The following PATL2 variants were observed in gnomAD, a reference collection of about 807,000 sequenced individuals.
The protein encoded by PATL2 is PAT1 homolog 2, also known as protein PAT1 homolog 2.
A neutral mutation model predicts 77.0 loss-of-function variants in PATL2; 73 were observed. The observed-to-expected ratio is 0.95, with a 90% CI of 0.78 to 1.15. The LOEUF (loss-of-function observed/expected upper bound fraction) is 1.15, where lower values mean the gene tolerates loss of function less well. Ranked by LOEUF, PATL2 falls within the 50% of genes most tolerant of loss-of-function variation. The pLI, the probability that PATL2 is intolerant of heterozygous loss-of-function variation, is 0.00. For synonymous variants in PATL2, 265 were observed against 257.1 expected (o/e 1.03, Z -0.29); for missense variants, 618 against 655.4 (o/e 0.94, Z 0.62).
At chr15:44,691,596 T>C (rs1276010564) in intron 3 of PATL2, among the ~76,000 whole-genome samples, 1 of 151,068 alleles carries the variant, frequency 6.6e-6, no homozygotes, top group African/African-American at 2.4e-5. Context: ...AGGTGGAGGT[T>C]GCAGTGAGTT....
At position 44,674,196 on chromosome 15, in the gene PATL2, G is replaced by C. The variant is rs1053967175; in HGVS notation, c.257C>G (p.Pro86Arg). The change falls in exon 6 of 18, where the codon CCT becomes CGT. Residue 86 changes from proline (P) to arginine (R), a missense_variant. By Grantham distance (103) the Pro-to-Arg change is moderately radical. Transcript: ENST00000682850. ...ALLSSPGVKA[P>R]GMLGMSLASL... is the part of the protein sequence containing the mutation. ...GGCAAGTGACATTCCCAGCATACCA[G>C]GGGCCTTGACTCCAGGGGAGCTAAG... The C allele has an allele frequency of 1.9e-6, 3 of 1,550,162 alleles. No homozygotes were observed. The African/African-American group carries it at 4.1e-5, about 21-fold the overall frequency.
chr15:44,676,725 A>G (rs1218752049), intron 3 of PATL2, 160 bp from the exon 4 acceptor site: 1 of 1,217,702 alleles, frequency 8.2e-7, no homozygotes, highest in African/African-American at 1.5e-5. Flanking sequence ...ATAAACACCC[A>G]CCCTCCCAGC....
intron 3 of PATL2, among the ~76,000 whole-genome samples, chr15:44,686,360 T>G (rs190659675): frequency 6.6e-6 from 1 of 152,172 alleles, no homozygotes; most frequent in African/African-American, 2.4e-5. Context: ...TTGAAACCAA[T>G]GAGAACAAAG....
intron 6 of PATL2, among the ~76,000 whole-genome samples, chr15:44,673,740 C>T (rs1312281924): frequency 6.8e-4 from 2 of 2,944 alleles, no homozygotes; most frequent in African/African-American, 7.6e-4. Context: ...AAGCCCTCCT[C>T]AGAGCTCTTA....
chr15:44,688,573 G>A (rs1385324419), intron 3 of PATL2, among the ~76,000 whole-genome samples: 4 of 152,240 alleles, frequency 2.6e-5, no homozygotes, highest in Admixed American at 1.3e-4. Flanking sequence ...ACAACCATCT[G>A]ATCTTTCACA....
At chr15:44,685,778 C>T (rs1176063824) in intron 3 of PATL2, among the ~76,000 whole-genome samples, 1 of 152,120 alleles carries the variant, frequency 6.6e-6, no homozygotes, top group African/African-American at 2.4e-5. Flanking sequence ...ATAAAACAGA[C>T]TTTAAACCAA....
intron 3 of PATL2, among the ~76,000 whole-genome samples, chr15:44,689,539 G>A (rs566585685): frequency 6.6e-6 from 1 of 152,256 alleles, no homozygotes; most frequent in South Asian, 2.1e-4. Context: ...CCATGAAAAA[G>A]GATGAGTTCA....
At chr15:44,697,134 C>T (rs1025925212) in intron 3 of PATL2, among the ~76,000 whole-genome samples, 1 of 151,684 alleles carries the variant, frequency 6.6e-6, no homozygotes, top group Admixed American at 6.6e-5. Flanking sequence ...TGTTTCTTCT[C>T]CTCCTCCTCC....
intron 3 of PATL2, among the ~76,000 whole-genome samples, chr15:44,685,346 C>T (rs1264141315): frequency 2.0e-5 from 3 of 152,208 alleles, no homozygotes; most frequent in Admixed American, 6.5e-5. Context: ...CGGTGGCTCA[C>T]GCCTGTAATC....
At chr15:44,686,762 G>T (rs2086267119) in intron 3 of PATL2, among the ~76,000 whole-genome samples, 1 of 152,154 alleles carries the variant, frequency 6.6e-6, no homozygotes, top group African/African-American at 2.4e-5. Flanking sequence ...TAGCATCAGA[G>T]AATACTATAA....
At chr15:44,681,838 C>T (rs1361662088) in intron 3 of PATL2, among the ~76,000 whole-genome samples, 1 of 152,180 alleles carries the variant, frequency 6.6e-6, no homozygotes, top group Non-Finnish European at 1.5e-5. Flanking sequence ...AAGCATAAGC[C>T]CCTTTACAAT....
At chr15:44,701,966 C>T (rs1481242571) in intron 3 of PATL2, among the ~76,000 whole-genome samples, 1 of 151,976 alleles carries the variant, frequency 6.6e-6, no homozygotes, top group African/African-American at 2.4e-5. Flanking sequence ...ATTGTGAGGA[C>T]AGCACCAAGC....
rs770437494 is a variant in PATL2, at chr15:44,665,843, TA to T, written c.*109del. On this transcript the variant is annotated 3_prime_UTR_variant, in exon 18 of 18. Transcript: ENST00000682850. ...AAATGGGGAAGGGTTCTCCAATATATAAAGGCATAAGAAATGTCTTCAGACT... is the reference window on the plus strand; with the variant it reads ...AAATGGGGAAGGGTTCTCCAATATATAAGGCATAAGAAATGTCTTCAGACT... 6.5e-7 allele frequency: 1 copy of T among 1,544,832 alleles called. No homozygotes were observed. Among genetic ancestry groups the T allele is most frequent in the South Asian group, 1.2e-5 (1 of 83,104 alleles).
chr15:44,683,943 C>T (rs1398468739), intron 3 of PATL2, among the ~76,000 whole-genome samples: 1 of 151,968 alleles, frequency 6.6e-6, no homozygotes, highest in Non-Finnish European at 1.5e-5. Context: ...CTGGTGATAC[C>T]CAGGAAAACA....
intron 3 of PATL2, among the ~76,000 whole-genome samples, chr15:44,683,402 G>C (rs1423247245): frequency 6.6e-6 from 1 of 152,182 alleles, no homozygotes; most frequent in Non-Finnish European, 1.5e-5. Flanking sequence ...AGCTTGGTGG[G>C]GGGAGGGGCG....
In PATL2 at chr15:44,710,535, T is replaced by C. The variant is rs3759876; in HGVS notation, c.-194-321A>G. ...AATTGCCGAGCCCTTTGTCTTCCAG[T>C]GTCTAAAATATTAATGTCAATGGAA... On this transcript the variant is annotated intron_variant, in intron 2 of 17. Coordinates refer to ENST00000682850, the MANE Select transcript of PATL2 (RefSeq NM_001387263.1). Among the ~76,000 whole-genome samples, 202 of 152,326 alleles carry C rather than the reference T, an allele frequency of 1.3e-3. 3 individuals are homozygous for C. In the East Asian group the frequency reaches 0.03, roughly 22 times the overall value.
chr15:44,668,306 A>G, intron 15 of PATL2, 36 bp downstream of exon 15: 1 of 1,541,204 alleles, frequency 6.5e-7, no homozygotes, highest in South Asian at 1.2e-5. Flanking sequence ...CCAACCTGAA[A>G]GCCATCTATG....
In PATL2 at chr15:44,669,818, G is replaced by A. The variant is rs759167200; in HGVS notation, c.835C>T (p.Arg279Cys). The part of the protein sequence containing the change: ...QVAVSTCFSP[R>C]RAIDAVPHGT... ...TGGGGTACCGCATCAATAGCTCGGC[G>A]AGGGCTGAAGCATGTCGACACAGCT... The change falls in exon 11 of 18, where the codon CGC becomes TGC. Residue 279 changes from arginine (R) to cysteine (C), a missense_variant. Arg to Cys is a radical substitution (Grantham distance 180). Coordinates refer to ENST00000682850, the MANE Select transcript of PATL2 (RefSeq NM_001387263.1). 2.6e-5 allele frequency: 40 copies of A among 1,551,508 alleles called. No individual in the cohort carries two copies. The highest frequency in any genetic ancestry group is 3.1e-5 in the Non-Finnish European group (36 of 1,146,998).
chr15:44,691,289 A>T (rs925614614), intron 3 of PATL2, among the ~76,000 whole-genome samples: 5 of 152,210 alleles, frequency 3.3e-5, no homozygotes, highest in Admixed American at 6.5e-5. Context: ...TTTATAACAT[A>T]ACATAAAAAG....
Sources: gnomAD v4.1 joint callset for allele counts (sites outside exome capture counted in the v4.1 genomes callset) on GRCh38, gnomAD v4.1.1 for gene constraint, MANE v1.5 for transcripts, NCBI Gene and HGNC (gene_info 2026-07-23, HGNC 2026-07-21) for gene names.